RPS6KA2: variants seen among roughly 807,000 people sequenced by gnomAD.
The protein encoded by RPS6KA2 is ribosomal protein S6 kinase A2, also known as ribosomal protein S6 kinase alpha-2.
Under a neutral mutation model 91.8 loss-of-function variants are expected in RPS6KA2, and 42 were observed. The ratio of observed to expected loss-of-function variants is 0.46; its 90% confidence interval spans 0.36 to 0.59. The LOEUF is 0.59. RPS6KA2 is among the 20% of genes least tolerant of loss of function. The pLI, the probability that RPS6KA2 is intolerant of heterozygous loss-of-function variation, is 0.00. For synonymous variants in RPS6KA2, 414 were observed against 393.6 expected (o/e 1.05, Z -0.61); for missense variants, 798 against 978.5 (o/e 0.82, Z 2.46).
At chr6:166,654,193 A>C (rs1010987403) in intron 2 of RPS6KA2, among the ~76,000 whole-genome samples, 3 of 152,256 alleles carry the variant, frequency 2.0e-5, no homozygotes, top group Non-Finnish European at 4.4e-5. Flanking sequence ...CATTGAAAAG[A>C]AAAGGTTTAG....
chr6:166,784,860 T>C (rs555602448), intron 2 of RPS6KA2, among the ~76,000 whole-genome samples: 2 of 152,232 alleles, frequency 1.3e-5, no homozygotes, highest in South Asian at 2.1e-4. Context: ...TGAATAAGTT[T>C]GGCTTGATGA....
chr6:166,454,165 T>C (rs966274820), intron 12 of RPS6KA2, among the ~76,000 whole-genome samples: 3 of 152,126 alleles, frequency 2.0e-5, no homozygotes, highest in African/African-American at 4.8e-5. Context: ...ACTCTACCCA[T>C]GAACAAAACT....
chr6:166,471,163 C>A (rs1353594853), intron 10 of RPS6KA2, among the ~76,000 whole-genome samples: 1 of 152,252 alleles, frequency 6.6e-6, no homozygotes, highest in Non-Finnish European at 1.5e-5. Context: ...CCCCTCATGT[C>A]CAGCTCTCAC....
At chr6:166,651,720 C>T (rs530337334) in intron 2 of RPS6KA2, among the ~76,000 whole-genome samples, 2 of 152,370 alleles carry the variant, frequency 1.3e-5, no homozygotes, top group South Asian at 2.1e-4. Flanking sequence ...GATCTGATGA[C>T]GATGGTGTTT....
chr6:166,748,482 G>A (rs1442291040), intron 2 of RPS6KA2, among the ~76,000 whole-genome samples: 3 of 151,872 alleles, frequency 2.0e-5, no homozygotes, highest in Non-Finnish European at 2.9e-5. Flanking sequence ...CGGGGCTGGA[G>A]GATGCTGGGC....
At chr6:166,651,934 G>A (rs936233713) in intron 2 of RPS6KA2, among the ~76,000 whole-genome samples, 6 of 152,378 alleles carry the variant, frequency 3.9e-5, no homozygotes, top group Admixed American at 2.0e-4. Flanking sequence ...GGCTGACAAC[G>A]TGGAGCCGGG....
intron 1 of RPS6KA2, among the ~76,000 whole-genome samples, chr6:166,544,110 G>T (rs1047922208): frequency 2.6e-5 from 4 of 152,170 alleles, no homozygotes; most frequent in African/African-American, 9.7e-5. Context: ...TCTAACACAG[G>T]GTTTGGCCTC....
At position 166,702,282 on chromosome 6, in the gene RPS6KA2, C is replaced by A. The variant is rs913584391; in HGVS notation, c.123+155918G>T. 6.2e-6 allele frequency: 10 copies of A among 1,613,290 alleles called. No homozygotes were observed. The African/African-American group carries it at 1.3e-4, about 22-fold the overall frequency. On this transcript the variant is annotated intron_variant, in intron 2 of 21. Transcript: ENST00000503859. ...TGCTTGGACACGGATCCTGGAGACCCCTGCCTTGAGGAGCCCCTCTGCCCA... is the reference window on the plus strand; with the variant it reads ...TGCTTGGACACGGATCCTGGAGACCACTGCCTTGAGGAGCCCCTCTGCCCA...
chr6:166,851,959 T>C (rs1415813488), intron 2 of RPS6KA2, among the ~76,000 whole-genome samples: 2 of 152,226 alleles, frequency 1.3e-5, no homozygotes, highest in Admixed American at 1.3e-4. Flanking sequence ...CAATCTTCTT[T>C]ACAAAATCAT....
intron 3 of RPS6KA2, among the ~76,000 whole-genome samples, chr6:166,523,101 GA>G (rs752643427): frequency 6.6e-6 from 1 of 152,152 alleles, no homozygotes; most frequent in African/African-American, 2.4e-5. Context: ...TGTAATTCAA[GA>G]AATGCAACTC....
chr6:166,606,988 A>G (rs1479776829), intron 1 of RPS6KA2, among the ~76,000 whole-genome samples: 1 of 152,178 alleles, frequency 6.6e-6, no homozygotes, highest in Non-Finnish European at 1.5e-5. Flanking sequence ...CTAAAAATGC[A>G]AAAAGTAGCT....
At chr6:166,658,541 C>T (rs763173965) in intron 2 of RPS6KA2, among the ~76,000 whole-genome samples, 4 of 152,142 alleles carry the variant, frequency 2.6e-5, no homozygotes, top group Admixed American at 1.3e-4. Flanking sequence ...TTCAAAACCA[C>T]GCACTGAAAA....
chr6:166,418,454 C>T lies in RPS6KA2; in HGVS notation c.1821-112G>A. On this transcript the variant is annotated intron_variant, in intron 18 of 20. Transcript: ENST00000265678. The surrounding 1 kb of genome is among the most constrained non-coding windows in gnomAD (Gnocchi z 4.9). Reference sequence around the variant, plus strand: ...TCAAAGGAATAGCACTTTGCTTCTCCCTCCTCTGCTCTGAAGCCAGGATTC... The same window carrying T: ...TCAAAGGAATAGCACTTTGCTTCTCTCTCCTCTGCTCTGAAGCCAGGATTC... The T allele has an allele frequency of 1.3e-6, 1 of 790,054 alleles. No individual in the cohort carries two copies. The highest frequency in any genetic ancestry group is 2.5e-5 in the East Asian group (1 of 39,654). 48.9% of individuals were successfully genotyped at this position (790,054 alleles called of 1,614,324 possible).
chr6:166,593,111 G>C (rs1488112427), intron 1 of RPS6KA2, among the ~76,000 whole-genome samples: 1 of 152,248 alleles, frequency 6.6e-6, no homozygotes, highest in African/African-American at 2.4e-5. Flanking sequence ...TTCCGATGCA[G>C]TGTGAGCACC....
chr6:166,572,458 T>G (rs554080310), intron 1 of RPS6KA2, among the ~76,000 whole-genome samples: 1 of 152,340 alleles, frequency 6.6e-6, no homozygotes, highest in Non-Finnish European at 1.5e-5. Flanking sequence ...GATGTTTACT[T>G]TTGTCAATTT....
chr6:166,680,937 C>T (rs1016211224), intron 2 of RPS6KA2, among the ~76,000 whole-genome samples: 23 of 152,224 alleles, frequency 1.5e-4, no homozygotes, highest in Admixed American at 1.3e-3. Flanking sequence ...CCTCTCCTCC[C>T]ATTTTTGACT....
rs1421066642 is a variant in RPS6KA2, at chr6:166,528,002, G to T, written c.298+3230C>A. 2.0e-5 allele frequency among the ~76,000 whole-genome samples: 3 copies of T among 152,124 alleles called. No individual in the cohort carries two copies. In the East Asian group the frequency reaches 5.8e-4, roughly 29 times the overall value. On this transcript the variant is annotated intron_variant, in intron 3 of 20. Transcript: ENST00000265678. Reference sequence around the variant, plus strand: ...TTTTGGCTACTGTGAATTGGCTGGTGCTGCCATGAACATTCCTGTGCTAGT... The same window carrying T: ...TTTTGGCTACTGTGAATTGGCTGGTTCTGCCATGAACATTCCTGTGCTAGT...
chr6:166,780,063 T>A (rs577110073), intron 2 of RPS6KA2, among the ~76,000 whole-genome samples: 2 of 152,312 alleles, frequency 1.3e-5, no homozygotes, highest in African/African-American at 4.8e-5. Context: ...GTGGGAGGCC[T>A]TGCTAATTTC....
intron 3 of RPS6KA2, among the ~76,000 whole-genome samples, chr6:166,515,907 T>C (rs564662879): frequency 5.3e-5 from 8 of 152,326 alleles, no homozygotes; most frequent in African/African-American, 1.9e-4. Context: ...CGACCATTTG[T>C]CTCTCATCTA....
Sources: allele counts gnomAD v4.1 joint callset (sites outside exome capture counted in the v4.1 genomes callset), GRCh38; gene constraint gnomAD v4.1.1; non-coding constraint Gnocchi (gnomAD v3.1); transcripts MANE v1.5; gene names NCBI Gene and HGNC (gene_info 2026-07-23, HGNC 2026-07-21).